SHF: variants seen among roughly 807,000 people sequenced by gnomAD.
SHF encodes SH2 domain-containing adapter protein F.
Under a neutral mutation model 42.4 loss-of-function variants are expected in SHF, and 30 were observed. That is an observed-to-expected ratio of 0.71 (90% CI 0.53 to 0.96). The LOEUF (loss-of-function observed/expected upper bound fraction) is 0.96. Ranked by LOEUF, SHF falls within the 40% of genes least tolerant of loss-of-function variation. The pLI, the probability that SHF is intolerant of heterozygous loss-of-function variation, is 0.00. For missense variants in SHF, 598 were observed against 634.0 expected (o/e 0.94, Z 0.61); for synonymous variants, 264 against 269.9 (o/e 0.98, Z 0.21).
intron 2 of SHF, among the ~76,000 whole-genome samples, chr15:45,176,467 C>T (rs949894909): frequency 6.6e-6 from 1 of 151,688 alleles, no homozygotes; most frequent in Non-Finnish European, 1.5e-5. Flanking sequence ...CCCACGGACC[C>T]GGCAAAGACT....
upstream of SHF, among the ~76,000 whole-genome samples, chr15:45,192,296 G>A (rs1415167790): frequency 6.9e-6 from 1 of 144,354 alleles, no homozygotes; most frequent in Non-Finnish European, 1.5e-5. Flanking sequence ...CCTTCAGGCA[G>A]CCTCCTGAGC....
At chr15:45,183,391 A>G (rs1229007089) in intron 1 of SHF, among the ~76,000 whole-genome samples, 2 of 151,996 alleles carry the variant, frequency 1.3e-5, no homozygotes, top group African/African-American at 4.9e-5. Flanking sequence ...AATGTTAGCC[A>G]CTATATTATT....
intron 4 of SHF, 133 bp downstream of exon 4, chr15:45,173,443 C>T: frequency 7.4e-7 from 1 of 1,348,846 alleles, no homozygotes; most frequent in Non-Finnish European, 9.6e-7. Context: ...CATTTTGTCT[C>T]TTCCTTCTTC....
chr15:45,199,045 G>T, exon 2 of SHF: 1 of 1,600,162 alleles, frequency 6.2e-7, no homozygotes, highest in Non-Finnish European at 8.5e-7. Context: ...TACAGGGGGC[G>T]CTCCTCACGG....
Position 45,178,050 on chromosome 15 carries a change from G to T in SHF, c.640+115C>A, listed in dbSNP as rs1463509312. 4.3e-6 allele frequency: 6 copies of T among 1,387,354 alleles called. No individual in the cohort carries two copies. The African/African-American group carries it at 5.8e-5, about 13-fold the overall frequency. 85.9% of individuals were successfully genotyped at this position (1,387,354 alleles called of 1,614,324 possible). ...CCATCCTCCCTAAGGACCTGGAAAA[G>T]ACTTTCTCCATATTTTCCAGGGACC... On this transcript the variant is annotated intron_variant, in intron 2 of 6. Coordinates refer to ENST00000690270, the MANE Select transcript of SHF (RefSeq NM_001394037.1).
intron 2 of SHF, among the ~76,000 whole-genome samples, chr15:45,175,694 A>G (rs1314507455): frequency 2.0e-5 from 3 of 152,212 alleles, no homozygotes; most frequent in Non-Finnish European, 4.4e-5. Flanking sequence ...AGGGCTGGGT[A>G]GCTAAAATTT....
exon 1 of SHF, chr15:45,200,949 C>G (rs1223203855): frequency 4.6e-6 from 2 of 438,424 alleles, no homozygotes; most frequent in Non-Finnish European, 9.2e-6. Flanking sequence ...ACTTTCATGT[C>G]CCTTCTTTTG....
chr15:45,171,833 C>T, intron 6 of SHF, 50 bp downstream of exon 6: 1 of 1,584,222 alleles, frequency 6.3e-7, no homozygotes, highest in Non-Finnish European at 8.6e-7. Flanking sequence ...ATACTGGAGT[C>T]CCCTTCCACC....
upstream of SHF, among the ~76,000 whole-genome samples, chr15:45,190,164 G>A (rs117171416): frequency 5.5e-3 from 835 of 152,332 alleles, 7 homozygotes; most frequent in Non-Finnish European, 8.4e-3. Context: ...CACATGTTGA[G>A]TAGCTGGACT....
chr15:45,199,286 C>G, intron 1 of SHF: 1 of 558,340 alleles, frequency 1.8e-6, no homozygotes, highest in Non-Finnish European at 3.1e-6. Context: ...GGCTGTGTCA[C>G]GGGGCCGCAG....
At chr15:45,171,717 G>T in intron 6 of SHF, 166 bp downstream of exon 6, 1 of 684,580 alleles carries the variant, frequency 1.5e-6, no homozygotes, top group Non-Finnish European at 2.5e-6. Flanking sequence ...TGGACTCTGA[G>T]CTCCTTGAGA....
intron 2 of SHF, among the ~76,000 whole-genome samples, chr15:45,197,799 A>T (rs1898911759): frequency 6.9e-6 from 1 of 145,490 alleles, no homozygotes; most frequent in Non-Finnish European, 1.5e-5. Context: ...CTATTACTTC[A>T]TGTTCTGTTC....
intron 4 of SHF, 61 bp from the exon 5 acceptor site, chr15:45,172,379 T>C (rs1897553936): frequency 4.8e-6 from 7 of 1,472,726 alleles, no homozygotes; most frequent in Non-Finnish European, 6.3e-6. Flanking sequence ...AGGTCCCTAT[T>C]GAATAGCCAG....
chr15:45,178,457 T>G (rs1292874734), intron 1 of SHF, among the ~76,000 whole-genome samples, 151 bp from the exon 2 acceptor site: 1 of 151,782 alleles, frequency 6.6e-6, no homozygotes, highest in Non-Finnish European at 1.5e-5. Context: ...TGAGCTTGGA[T>G]GGGGACAAGC....
At chr15:45,200,630 A>T (rs892325242) in intron 1 of SHF, 21 of 433,786 alleles carry the variant, frequency 4.8e-5, no homozygotes, top group Middle Eastern at 8.1e-4. Context: ...CAAGAGCATT[A>T]ATCTCTGCTT....
chr15:45,195,865 T>C (rs1234496088), intron 2 of SHF, among the ~76,000 whole-genome samples: 1 of 152,194 alleles, frequency 6.6e-6, no homozygotes, highest in Non-Finnish European at 1.5e-5. Flanking sequence ...TCCAGCCTTG[T>C]CTTGGGTCCA....
In SHF at chr15:45,178,275, A is replaced by C. The variant is rs1897933051; in HGVS notation, c.530T>G (p.Phe177Cys). Residue 177 changes from phenylalanine (F) to cysteine (C), a missense_variant, in exon 2 of 7, where the codon TTT (phenylalanine) becomes TGT (cysteine). By Grantham distance (205) the Phe-to-Cys change is radical. Transcript: ENST00000690270. ...LAILEDYADPFDVQETGEGSA... is the reference protein window; with the variant it reads ...LAILEDYADPCDVQETGEGSA... ...GCCTTCGCCAGTCTCCTGAACATCA[A>C]ACGGGTCCGCATAGTCTTCTAGGAT... The C allele has an allele frequency of 2.5e-6, 4 of 1,613,754 alleles. No individual in the cohort carries two copies. Among genetic ancestry groups the C allele is most frequent in the Non-Finnish European group, 3.4e-6 (4 of 1,179,856 alleles).
intron 2 of SHF, among the ~76,000 whole-genome samples, chr15:45,195,441 C>T (rs1323081994): frequency 6.6e-6 from 1 of 152,012 alleles, no homozygotes. Flanking sequence ...ATTTTTTTTC[C>T]CCTTGACTTC....
chr15:45,170,785 G>T, intron 6 of SHF: 2 of 228,082 alleles, frequency 8.8e-6, no homozygotes, highest in Non-Finnish European at 1.8e-5. Flanking sequence ...CCGAGTAGCT[G>T]GCATTACCAG....
Sources: allele counts gnomAD v4.1 joint callset (sites outside exome capture counted in the v4.1 genomes callset), GRCh38; gene constraint gnomAD v4.1.1; transcripts MANE v1.5; gene names NCBI Gene and HGNC (gene_info 2026-07-23, HGNC 2026-07-21).